Variants in MED27 observed in about 807,000 individuals in gnomAD.
The protein encoded by MED27 is mediator of RNA polymerase II transcription subunit 27.
In MED27, 30 loss-of-function variants were observed where a neutral mutation model predicts 38.2. The ratio of observed to expected loss-of-function variants is 0.79; its 90% CI spans 0.59 to 1.07. The LOEUF (loss-of-function observed/expected upper bound fraction) is 1.07, where lower values mean the gene tolerates loss of function less well. MED27 is among the 50% of genes least tolerant of loss of function. MED27 has a pLI of 0.00. For synonymous variants in MED27, 122 were observed against 153.5 expected, an observed-to-expected ratio of 0.79 and a Z score of 1.52; for missense variants, 289 against 397.5, an observed-to-expected ratio of 0.73 and a Z score of 2.32.
At chr9:132,008,560 G>A (rs1047554794) in intron 3 of MED27, among the ~76,000 whole-genome samples, 1 of 152,244 alleles carries the variant, frequency 6.6e-6, no homozygotes. Flanking sequence ...GGGGGAGAAA[G>A]ATATGAATCA....
intron 4 of MED27, among the ~76,000 whole-genome samples, chr9:131,903,825 T>C (rs1829998940): frequency 6.6e-6 from 1 of 151,832 alleles, no homozygotes; most frequent in African/African-American, 2.4e-5. Flanking sequence ...CCTCCCAGGC[T>C]CAAGTGATCC....
chr9:131,924,596 A>G (rs1830449962), intron 4 of MED27, among the ~76,000 whole-genome samples: 2 of 152,036 alleles, frequency 1.3e-5, no homozygotes, highest in Non-Finnish European at 2.9e-5. Flanking sequence ...GGCCCTACTG[A>G]CCTGAGATGC....
chr9:132,039,588 G>A (rs758799351), intron 2 of MED27, among the ~76,000 whole-genome samples: 7 of 152,162 alleles, frequency 4.6e-5, no homozygotes, highest in Non-Finnish European at 8.8e-5. Context: ...TAAATTCACC[G>A]CCAGTCTGTC....
At chr9:131,974,270 T>C (rs1831555384) in intron 3 of MED27, among the ~76,000 whole-genome samples, 1 of 152,242 alleles carries the variant, frequency 6.6e-6, no homozygotes, top group Admixed American at 6.5e-5. Flanking sequence ...TTAGTTAAAT[T>C]AGTTCTACTG....
chr9:132,043,492 G>A (rs1833266569), intron 2 of MED27, among the ~76,000 whole-genome samples: 1 of 151,848 alleles, frequency 6.6e-6, no homozygotes, highest in South Asian at 2.1e-4. Context: ...AGGTACATGA[G>A]CATTTATTAT....
rs1390098078 is a variant in MED27, at chr9:131,956,266, G to C, written c.480-16792C>G. ...GAATGGTGGCTGCCAGGAGATGGTG[G>C]AGTGGGAATTGGAAGTTACAGTTAG... On this transcript the variant is annotated intron_variant, in intron 3 of 7. Coordinates refer to ENST00000292035, the MANE Select transcript of MED27 (RefSeq NM_004269.4). Among the ~76,000 whole-genome samples the C allele has an allele frequency of 2.0e-5, 3 of 152,320 alleles. No individual in the cohort carries two copies. In the East Asian group the frequency reaches 5.8e-4, roughly 29 times the overall value.
chr9:131,983,989 C>G (rs1831795797), intron 3 of MED27, among the ~76,000 whole-genome samples: 1 of 152,180 alleles, frequency 6.6e-6, no homozygotes, highest in Non-Finnish European at 1.5e-5. Context: ...GACCTCTCGT[C>G]TCAAGAGTAA....
chr9:132,008,780 G>A (rs927823890), intron 3 of MED27, among the ~76,000 whole-genome samples: 1 of 152,218 alleles, frequency 6.6e-6, no homozygotes, highest in Admixed American at 6.5e-5. Flanking sequence ...AAGCCACGCA[G>A]AAACCTACCC....
At chr9:131,924,304 TA>T (rs1830445440) in intron 4 of MED27, among the ~76,000 whole-genome samples, 1 of 152,198 alleles carries the variant, frequency 6.6e-6, no homozygotes, top group South Asian at 2.1e-4. Context: ...AGTGCAATTT[TA>T]ATTCGCATTT....
rs541603404 is a variant in MED27, at chr9:132,024,725, C to T, written c.349-10258G>A. Reference sequence around the variant, plus strand: ...GGCATCATCAAATCCTAAGGACAATCGTCTAAGGCCTGCAGAAACAAGGTA... The same window carrying T: ...GGCATCATCAAATCCTAAGGACAATTGTCTAAGGCCTGCAGAAACAAGGTA... On this transcript the variant is annotated intron_variant, in intron 2 of 7. Transcript: ENST00000292035. Among the ~76,000 whole-genome samples the T allele has an allele frequency of 2.6e-5, 4 of 152,310 alleles. No individual in the cohort carries two copies. In the South Asian group the frequency reaches 6.2e-4, roughly 24 times the overall value.
chr9:131,975,385 C>T lies in MED27; in HGVS notation c.480-35911G>A, dbSNP rs79395829. The stretch of plus-strand genomic sequence containing the variant: ...ATTCCTTTCATCTTGCTGAACAGTT[C>T]GTTGCTTACTCACACCTCAACAGAC... On this transcript the variant is annotated intron_variant, in intron 3 of 7. Coordinates refer to ENST00000292035, the MANE Select transcript of MED27 (RefSeq NM_004269.4). Among the ~76,000 whole-genome samples the T allele has an allele frequency of 2.1e-3, 321 of 152,296 alleles. 1 individual carries two copies. Among genetic ancestry groups the T allele is most frequent in the African/African-American group, 7.5e-3 (312 of 41,576 alleles).
Position 131,980,384 on chromosome 9 carries a change from T to C in MED27, c.479+33953A>G, listed in dbSNP as rs559174165. The stretch of plus-strand genomic sequence containing the variant: ...GATTCTGATGCTAAAACAAAGACTA[T>C]TGTGCAATCAGCAGAAGGCTTCAGT... On this transcript the variant is annotated intron_variant, in intron 3 of 7. Transcript: ENST00000292035. Among the ~76,000 whole-genome samples the C allele has an allele frequency of 3.4e-3, 525 of 152,232 alleles. 2 individuals carry two copies. The highest frequency in any genetic ancestry group is 5.7e-3 in the Non-Finnish European group (390 of 68,014).
chr9:132,073,649 C>A lies in MED27; in HGVS notation c.348+3793G>T, dbSNP rs1476293594. 20 of 1,458,990 alleles carry A rather than the reference C, an allele frequency of 1.4e-5. No individual in the cohort carries two copies. In the Admixed American group the frequency reaches 3.4e-4, roughly 25 times the overall value. 90.4% of individuals were successfully genotyped at this position (1,458,990 alleles called of 1,614,324 possible). On this transcript the variant is annotated intron_variant, in intron 2 of 7. Transcript: ENST00000292035. ...TTGCAGTAACTTAGTCATTAAGCAA[C>A]TGGATTCTAATAAGAACAGTTCAGG...
At position 131,860,373 on chromosome 9, in the gene MED27, G is replaced by C. The variant is rs1838631527; in HGVS notation, c.*165C>G. 2 of 717,794 alleles carry C rather than the reference G, an allele frequency of 2.8e-6. No individual in the cohort carries two copies. The highest frequency in any genetic ancestry group is 3.7e-5 in the Admixed American group (1 of 27,118). 44.5% of individuals were successfully genotyped at this position (717,794 alleles called of 1,614,324 possible). On this transcript the variant is annotated 3_prime_UTR_variant, in exon 8 of 8. Transcript: ENST00000292035. The surrounding 1 kb of genome is among the most constrained non-coding windows in gnomAD (Gnocchi z 5.8). ...TAATTAGTCCCATCAGCCACAGAGG[G>C]AGTCTGCTCTTCAAGAGTGGCCTCT...
chr9:131,930,805 G>A (rs1216311684), intron 4 of MED27, among the ~76,000 whole-genome samples: 1 of 152,144 alleles, frequency 6.6e-6, no homozygotes, highest in Non-Finnish European at 1.5e-5. Context: ...AACTTTTCAA[G>A]ATATAGGTAG....
chr9:131,908,510 CTT>C, intron 4 of MED27, among the ~76,000 whole-genome samples: 1 of 152,252 alleles, frequency 6.6e-6, no homozygotes, highest in Admixed American at 6.5e-5. Flanking sequence ...ACATGGGAGA[CTT>C]TTCATTTTGT....
intron 4 of MED27, among the ~76,000 whole-genome samples, chr9:131,897,508 G>A (rs1829852643): frequency 6.6e-6 from 1 of 152,194 alleles, no homozygotes; most frequent in African/African-American, 2.4e-5. Context: ...CGTTATTATT[G>A]TATGAGATGT....
At chr9:131,942,078 G>A (rs946297765) in intron 3 of MED27, among the ~76,000 whole-genome samples, 8 of 151,972 alleles carry the variant, frequency 5.3e-5, no homozygotes, top group Non-Finnish European at 1.0e-4. Context: ...GCCCACCTTG[G>A]CTTCCCAAAG....
At chr9:131,910,102 A>G (rs1830159963) in intron 4 of MED27, among the ~76,000 whole-genome samples, 1 of 152,198 alleles carries the variant, frequency 6.6e-6, no homozygotes, top group Non-Finnish European at 1.5e-5. Flanking sequence ...GGGGAAACCG[A>G]GGCGCTGGTA....
Sources: gnomAD v4.1 joint callset for allele counts (sites outside exome capture counted in the v4.1 genomes callset) on GRCh38, gnomAD v4.1.1 for gene constraint, Gnocchi (gnomAD v3.1) non-coding constraint, MANE v1.5 for transcripts, NCBI Gene and HGNC (gene_info 2026-07-23, HGNC 2026-07-21) for gene names.